The following KDM5A variants were observed in gnomAD, a reference collection of about 807,000 sequenced individuals.
KDM5A encodes the protein lysine demethylase 5A, also known as lysine-specific demethylase 5A.
Under a neutral mutation model 193.5 loss-of-function variants are expected in KDM5A, and 42 were observed. The ratio of observed to expected loss-of-function variants is 0.22; its 90% CI spans 0.17 to 0.28. The LOEUF (loss-of-function observed/expected upper bound fraction) is 0.28. KDM5A is among the 10% of genes least tolerant of loss of function. KDM5A has a pLI of 1.00. For synonymous variants in KDM5A, 796 were observed against 718.1 expected, an observed-to-expected ratio of 1.11 and a Z score of -1.73; for missense variants, 1,692 against 2,055.1, an observed-to-expected ratio of 0.82 and a Z score of 3.42.
In KDM5A at chr12:281,302, A is replaced by C. The variant is rs1328488854; in HGVS notation, c.*4154T>G. ...AGGGAGTCTTGAGGTTTTACAAGAC[A>C]TTCCTGTTTAGACCACTTGGAGTAC... On this transcript the variant is annotated 3_prime_UTR_variant, in exon 28 of 28. Transcript: ENST00000399788. 2.6e-5 allele frequency: 6 copies of C among 233,100 alleles called. No homozygotes were observed. The East Asian group carries it at 3.6e-4, about 14-fold the overall frequency. The allele number at this position is 233,100 out of a possible 1,614,324, so 14.4% of individuals were successfully genotyped here. A position where few individuals can be genotyped will look rare whatever the true frequency, so the allele number is the denominator to read the frequency against.
chr12:335,605 T>C (rs941040173), intron 10 of KDM5A, among the ~76,000 whole-genome samples: 4 of 151,954 alleles, frequency 2.6e-5, no homozygotes, highest in African/African-American at 7.3e-5. Context: ...ATAATACAAG[T>C]TAAAAATAAA....
At chr12:323,478 A>C in intron 15 of KDM5A, 122 bp downstream of exon 15, 1 of 1,074,526 alleles carries the variant, frequency 9.3e-7, no homozygotes, top group Non-Finnish European at 1.4e-6. Flanking sequence ...TCAAGCCTAG[A>C]AGTAGACAGT....
At chr12:295,968 A>G (rs1177061907) in intron 25 of KDM5A, among the ~76,000 whole-genome samples, 175 bp from the exon 26 acceptor site, 1 of 152,102 alleles carries the variant, frequency 6.6e-6, no homozygotes, top group Non-Finnish European at 1.5e-5. Flanking sequence ...ACAGACCAAA[A>G]AGATGAACAA....
chr12:325,120 C>T (rs907572638), intron 14 of KDM5A, among the ~76,000 whole-genome samples: 3 of 152,162 alleles, frequency 2.0e-5, no homozygotes, highest in African/African-American at 7.2e-5. Flanking sequence ...TAGATGTCTG[C>T]TGGCCATATT....
chr12:316,189 T>C (rs1282205869), intron 19 of KDM5A, among the ~76,000 whole-genome samples: 1 of 152,248 alleles, frequency 6.6e-6, no homozygotes, highest in Non-Finnish European at 1.5e-5. Flanking sequence ...TAGAAGAGTC[T>C]AACTCCCACT....
At chr12:288,634 T>TG (rs1259183709) in intron 27 of KDM5A, among the ~76,000 whole-genome samples, 16 of 152,362 alleles carry the variant, frequency 1.1e-4, no homozygotes, top group African/African-American at 3.8e-4. Flanking sequence ...CTTAGCTTAC[T>TG]AATTAAACTG....
rs182877148 is a variant in KDM5A at position 363,122 on chromosome 12, G to C, written c.538-25C>G. ...CCTAAAAGATCAGAGCACAGAAAGA[G>C]AGCAGGTTCACTGATAAGAAATCAT... On this transcript the variant is annotated intron_variant, in intron 4 of 27. Coordinates refer to ENST00000399788, the MANE Select transcript of KDM5A (RefSeq NM_001042603.3). 1.2e-5 allele frequency: 20 copies of C among 1,613,716 alleles called. No homozygotes were observed. The African/African-American group carries it at 2.1e-4, about 17-fold the overall frequency.
In KDM5A at chr12:296,322, C is replaced by CAA. The variant is rs973972360; in HGVS notation, c.4235-531_4235-530dup. 6.4e-3 allele frequency among the ~76,000 whole-genome samples: 685 copies of CAA among 107,316 alleles called. 3 individuals are homozygous for CAA. The highest frequency in any genetic ancestry group is 0.02 in the African/African-American group (583 of 28,968). The allele number at this position is 107,316 out of a possible 152,430, so 70.4% of individuals were successfully genotyped here. A position where few individuals can be genotyped will look rare whatever the true frequency, so the allele number is the denominator to read the frequency against. ...GGGCAACAAGACAGAAACTCCATCT[C>CAA]AAAAAAAAAAAAAAAAAGTGGTTCT... On this transcript the variant is annotated intron_variant, in intron 25 of 27. Transcript: ENST00000399788.
chr12:348,600 T>C lies in KDM5A; in HGVS notation c.1308+2021A>G, dbSNP rs369128158. 6.6e-4 allele frequency among the ~76,000 whole-genome samples: 100 copies of C among 152,322 alleles called. No homozygotes were observed. The East Asian group carries it at 0.014, about 21-fold the overall frequency. On this transcript the variant is annotated intron_variant, in intron 10 of 27. Coordinates refer to ENST00000399788, the MANE Select transcript of KDM5A (RefSeq NM_001042603.3). ...GCAGCCAGAAAAAACGATGAGTTCA[T>C]GTCCTTTGCAGGGACATGGATGAAG...
At chr12:350,598 C>T (rs1241479579) in intron 10 of KDM5A, 23 bp downstream of exon 10, 1 of 1,613,582 alleles carries the variant, frequency 6.2e-7, no homozygotes, top group Non-Finnish European at 8.5e-7. Context: ...TGGGGGTAAG[C>T]AAAAGTTTGG....
chr12:369,576 C>T (rs761523651), intron 3 of KDM5A, among the ~76,000 whole-genome samples: 1 of 151,962 alleles, frequency 6.6e-6, no homozygotes, highest in Non-Finnish European at 1.5e-5. Flanking sequence ...TAAACGATTG[C>T]AAAAAGCCTT....
At chr12:323,533 T>C (rs1943747427) in intron 15 of KDM5A, 67 bp downstream of exon 15, 2 of 1,443,006 alleles carry the variant, frequency 1.4e-6, no homozygotes, top group African/African-American at 1.4e-5. Context: ...AGGGAATAAG[T>C]AAAAATAACA....
At chr12:355,033 A>G in intron 7 of KDM5A, 125 bp downstream of exon 7, 2 of 724,804 alleles carry the variant, frequency 2.8e-6, no homozygotes, top group Non-Finnish European at 5.1e-6. Context: ...AACTTCACAG[A>G]TGTGCCATCA....
intron 3 of KDM5A, among the ~76,000 whole-genome samples, chr12:380,569 T>A (rs539768758): frequency 8.8e-4 from 133 of 151,960 alleles, no homozygotes; most frequent in Non-Finnish European, 1.5e-3. Context: ...ATATAAAAAT[T>A]AGCTGGGTGT....
chr12:323,932 A>G (rs919412678), intron 14 of KDM5A, 151 bp from the exon 15 acceptor site: 3 of 695,448 alleles, frequency 4.3e-6, no homozygotes, highest in Non-Finnish European at 7.6e-6. Flanking sequence ...ATACTTCCTA[A>G]AAGTAATCAT....
chr12:316,253 G>A (rs1197479290), intron 19 of KDM5A, among the ~76,000 whole-genome samples: 3 of 152,122 alleles, frequency 2.0e-5, no homozygotes, highest in Non-Finnish European at 4.4e-5. Flanking sequence ...CTTTTTTCAT[G>A]ACACTAATTA....
chr12:385,018 C>T lies in KDM5A; in HGVS notation c.244-865G>A, dbSNP rs564199213. Among the ~76,000 whole-genome samples the T allele has an allele frequency of 3.9e-5, 6 of 152,032 alleles. No homozygotes were observed. The East Asian group carries it at 5.8e-4, about 15-fold the overall frequency. ...CAGCCTGGCCAACACGGCAAAACTC[C>T]GTCTCTACTAAAAATACAAAAATTA... On this transcript the variant is annotated intron_variant, in intron 2 of 27. Transcript: ENST00000399788.
At chr12:336,077 AGCTGGGCAT>A (rs1333454337) in intron 10 of KDM5A, among the ~76,000 whole-genome samples, 1 of 146,948 alleles carries the variant, frequency 6.8e-6, no homozygotes, top group African/African-American at 2.5e-5. Context: ...AATAGAGAGA[AGCTGGGCAT>A]GGTGGCTCAT....
At position 350,660 on chromosome 12, in the gene KDM5A, C is replaced by T. The variant is rs201927185; in HGVS notation, c.1269G>A (p.Pro423=). 2.9e-4 allele frequency: 464 copies of T among 1,614,068 alleles called. No homozygotes were observed. In the African/African-American group the frequency reaches 4.5e-3, roughly 16 times the overall value. ...ISSKDFGSGF[P]VKDGRRKILP... is the part of the protein sequence containing the mutation. ...GAATCTTTCTCCGCCCATCCTTCAC[C>T]GGAAATCCACTTCCAAAGTCTTTTG... The change falls in exon 10 of 28, where the codon CCG becomes CCA. Residue 423 remains proline, a synonymous_variant. Transcript: ENST00000399788.
Sources: gnomAD v4.1 joint callset for allele counts (sites outside exome capture counted in the v4.1 genomes callset) on GRCh38, gnomAD v4.1.1 for gene constraint, MANE v1.5 for transcripts, NCBI Gene and HGNC (gene_info 2026-07-23, HGNC 2026-07-21) for gene names.